IGSF21: variants seen among roughly 807,000 people sequenced by gnomAD.
IGSF21 encodes immunoglobin superfamily member 21, also known as immunoglobulin superfamily member 21.
IGSF21 carries 28 observed loss-of-function variants against 46.8 expected under a neutral mutation model. The ratio of observed to expected loss-of-function variants is 0.60; its 90% confidence interval spans 0.44 to 0.82. The LOEUF is 0.82. Among genes scored for constraint, IGSF21 ranks in the 40% least tolerant of loss-of-function variants. IGSF21 has a pLI of 0.00. For missense variants in IGSF21, 624 were observed against 665.5 expected (o/e 0.94, Z 0.69); for synonymous variants, 284 against 273.6 (o/e 1.04, Z -0.38).
At chr1:18,247,754 T>A (rs2084799061) in intron 2 of IGSF21, among the ~76,000 whole-genome samples, 1 of 152,168 alleles carries the variant, frequency 6.6e-6, no homozygotes, top group African/African-American at 2.4e-5. Flanking sequence ...TATATCAGCT[T>A]ATTTAATCCC....
intron 1 of IGSF21, among the ~76,000 whole-genome samples, chr1:18,220,312 G>A (rs974065664): frequency 6.6e-6 from 1 of 152,026 alleles, no homozygotes. Flanking sequence ...TTCATGGGAG[G>A]CTGTTGGATA....
At chr1:18,225,101 A>T (rs796423790) in intron 1 of IGSF21, among the ~76,000 whole-genome samples, 9,889 of 99,604 alleles carry the variant, frequency 0.099, 502 homozygotes, top group Middle Eastern at 0.15. Flanking sequence ...ACACACACAC[A>T]CACACACACA....
intron 1 of IGSF21, among the ~76,000 whole-genome samples, chr1:18,168,860 C>A (rs2086705413): frequency 6.6e-6 from 1 of 152,192 alleles, no homozygotes; most frequent in South Asian, 2.1e-4. Context: ...ATGGCCCTTG[C>A]ATATATGTCA....
chr1:18,328,223 A>G (rs972891568), intron 3 of IGSF21, among the ~76,000 whole-genome samples: 1 of 152,232 alleles, frequency 6.6e-6, no homozygotes, highest in Non-Finnish European at 1.5e-5. Flanking sequence ...TGCACTTAAA[A>G]CATCTGATCT....
At chr1:18,340,105 T>G (rs1372550350) in intron 4 of IGSF21, among the ~76,000 whole-genome samples, 1 of 152,240 alleles carries the variant, frequency 6.6e-6, no homozygotes, top group Non-Finnish European at 1.5e-5. Context: ...ATGGACATTC[T>G]AATTTGCATT....
At chr1:18,359,383 A>AAAGG (rs1202935647) in intron 4 of IGSF21, among the ~76,000 whole-genome samples, 930 of 61,008 alleles carry the variant, frequency 0.015, 35 homozygotes, top group Non-Finnish European at 0.017. Context: ...AGAAAGAAAG[A>AAAGG]AAGGAAGGAA....
intron 1 of IGSF21, among the ~76,000 whole-genome samples, chr1:18,165,083 C>T (rs538726567): frequency 5.3e-5 from 8 of 151,880 alleles, no homozygotes; most frequent in East Asian, 1.9e-4. Flanking sequence ...TTTGTGGCTG[C>T]GTGGTATTTC....
chr1:18,275,561 AC>A (rs1249787174), intron 2 of IGSF21, among the ~76,000 whole-genome samples: 1 of 152,106 alleles, frequency 6.6e-6, no homozygotes, highest in Admixed American at 6.5e-5. Flanking sequence ...CCCCATGCTC[AC>A]CTGGAACTAT....
intron 2 of IGSF21, among the ~76,000 whole-genome samples, chr1:18,283,902 T>TA (rs573302997): frequency 1.8e-4 from 28 of 151,690 alleles, no homozygotes; most frequent in East Asian, 1.2e-3. Flanking sequence ...TTCATTCCTA[T>TA]AAAAAAAAAT....
chr1:18,161,121 G>A (rs1454886286), intron 1 of IGSF21, among the ~76,000 whole-genome samples: 2 of 152,098 alleles, frequency 1.3e-5, no homozygotes, highest in Non-Finnish European at 2.9e-5. Flanking sequence ...AATCTCAGGG[G>A]TCCAGGTAAG....
At chr1:18,270,890 T>G (rs1015618303) in intron 2 of IGSF21, among the ~76,000 whole-genome samples, 1 of 152,280 alleles carries the variant, frequency 6.6e-6, no homozygotes, top group Admixed American at 6.5e-5. Flanking sequence ...TTTCTGCAAA[T>G]TACACATCAT....
At chr1:18,190,891 G>A (rs953040714) in intron 1 of IGSF21, among the ~76,000 whole-genome samples, 1 of 152,192 alleles carries the variant, frequency 6.6e-6, no homozygotes, top group Non-Finnish European at 1.5e-5. Context: ...CCCTGGGAAG[G>A]CAGCAGCCAA....
intron 8 of IGSF21, 149 bp downstream of exon 8, chr1:18,377,141 C>A: frequency 1.2e-6 from 1 of 837,034 alleles, no homozygotes; most frequent in Non-Finnish European, 1.9e-6. Context: ...CACTGGGAGG[C>A]AGGGTCGCTC....
intron 2 of IGSF21, among the ~76,000 whole-genome samples, chr1:18,232,712 G>A (rs966469904): frequency 4.6e-5 from 7 of 152,198 alleles, no homozygotes; most frequent in African/African-American, 1.7e-4. Flanking sequence ...GAAGAGCAAA[G>A]ACTGTCTTTT....
chr1:18,108,388 G>T (rs1045625648), intron 1 of IGSF21, among the ~76,000 whole-genome samples, 190 bp downstream of exon 1: 1 of 151,014 alleles, frequency 6.6e-6, no homozygotes, highest in African/African-American at 2.4e-5. Flanking sequence ...ATGGATTTGT[G>T]CCAGGGTGTG....
At chr1:18,221,808 C>A (rs573928054) in intron 1 of IGSF21, among the ~76,000 whole-genome samples, 27 of 152,178 alleles carry the variant, frequency 1.8e-4, no homozygotes, top group Admixed American at 6.5e-4. Flanking sequence ...CAGCTGGTGG[C>A]TGAGTAATTG....
At chr1:18,119,750 T>A (rs533137911) in intron 1 of IGSF21, among the ~76,000 whole-genome samples, 8 of 72,812 alleles carry the variant, frequency 1.1e-4, no homozygotes, top group Admixed American at 2.0e-4. Context: ...GGCAAGGCTT[T>A]TAATAACGGT....
At chr1:18,154,475 G>T (rs2086550389) in intron 1 of IGSF21, among the ~76,000 whole-genome samples, 1 of 152,082 alleles carries the variant, frequency 6.6e-6, no homozygotes, top group Non-Finnish European at 1.5e-5. Context: ...CGGAGGCTGG[G>T]ATCACCCCTG....
intron 3 of IGSF21, among the ~76,000 whole-genome samples, chr1:18,329,309 T>C (rs193141657): frequency 7.9e-4 from 120 of 152,302 alleles, no homozygotes; most frequent in African/African-American, 2.7e-3. Context: ...CCCCAGATGC[T>C]GTAATCCACA....
Sources: allele counts gnomAD v4.1 joint callset (sites outside exome capture counted in the v4.1 genomes callset), GRCh38; gene constraint gnomAD v4.1.1; transcripts MANE v1.5; gene names NCBI Gene and HGNC (gene_info 2026-07-23, HGNC 2026-07-21).